CALN1: variants seen among roughly 807,000 people sequenced by gnomAD.
The protein encoded by CALN1 is calneuron 1, also known as calcium-binding protein 8.
A neutral mutation model predicts 30.6 loss-of-function variants in CALN1; 17 were observed. That is an observed-to-expected ratio of 0.56 (90% CI 0.38 to 0.83). The LOEUF (loss-of-function observed/expected upper bound fraction) is 0.83, where lower values mean the gene tolerates loss of function less well. Ranked by LOEUF, CALN1 falls within the 40% of genes least tolerant of loss-of-function variation. CALN1 has a pLI of 0.00. For synonymous variants in CALN1, 156 were observed against 131.4 expected, an observed-to-expected ratio of 1.19 and a Z score of -1.28; for missense variants, 291 against 354.9, an observed-to-expected ratio of 0.82 and a Z score of 1.45.
chr7:72,422,530 G>A (rs1285743231), intron 1 of CALN1, among the ~76,000 whole-genome samples: 1 of 152,184 alleles, frequency 6.6e-6, no homozygotes, highest in Non-Finnish European at 1.5e-5. Flanking sequence ...CTGCAGAGGG[G>A]AGGCTTAGTT....
chr7:71,906,688 C>G (rs1029205372), intron 5 of CALN1, among the ~76,000 whole-genome samples: 1 of 152,034 alleles, frequency 6.6e-6, no homozygotes, highest in African/African-American at 2.4e-5. Context: ...TTTTAAAAAC[C>G]AAGCAAATGA....
chr7:72,428,873 G>C (rs755241575), intron 1 of CALN1, among the ~76,000 whole-genome samples: 29 of 152,150 alleles, frequency 1.9e-4, no homozygotes, highest in African/African-American at 2.7e-4. Context: ...TCAGAAAAGA[G>C]AGAATCACAG....
At chr7:71,810,674 T>C (rs1030394460) in intron 5 of CALN1, among the ~76,000 whole-genome samples, 182 bp from the exon 6 acceptor site, 51 of 152,260 alleles carry the variant, frequency 3.3e-4, no homozygotes, top group South Asian at 1.7e-3. Flanking sequence ...CAGGGACTTA[T>C]TGGAATGATA....
intron 4 of CALN1, among the ~76,000 whole-genome samples, chr7:72,055,575 A>T (rs148789211): frequency 5.9e-5 from 9 of 152,302 alleles, no homozygotes; most frequent in Middle Eastern, 3.4e-3. Context: ...GAAAGATTCA[A>T]ATAAAATTGC....
intron 6 of CALN1, among the ~76,000 whole-genome samples, chr7:71,796,026 T>C (rs1331926611): frequency 1.3e-5 from 2 of 151,468 alleles, no homozygotes; most frequent in Non-Finnish European, 2.9e-5. Flanking sequence ...GAGATTTCAC[T>C]GTGTTAGCCA....
Position 72,319,428 on chromosome 7 carries a change from C to T in CALN1, c.120-40618G>A, listed in dbSNP as rs576811824. On this transcript the variant is annotated intron_variant, in intron 2 of 6. Transcript: ENST00000395275. Reference sequence around the variant, plus strand: ...ACCTCATGAGACTTATTCGCTATCACGAGAACAGCATGGAAAAGATTCAAT... The same window carrying T: ...ACCTCATGAGACTTATTCGCTATCATGAGAACAGCATGGAAAAGATTCAAT... Among the ~76,000 whole-genome samples the T allele has an allele frequency of 1.6e-4, 25 of 152,262 alleles. No individual in the cohort carries two copies. In the South Asian group the frequency reaches 2.5e-3, roughly 15 times the overall value.
intron 2 of CALN1, chr7:72,336,802 T>C (rs903482465): frequency 2.4e-4 from 238 of 984,616 alleles, no homozygotes; most frequent in Non-Finnish European, 2.7e-4. Flanking sequence ...CGGTGCGGAA[T>C]GGATGCGCCG....
chr7:72,135,760 A>G (rs1039270747), intron 3 of CALN1, among the ~76,000 whole-genome samples: 4 of 152,160 alleles, frequency 2.6e-5, no homozygotes, highest in African/African-American at 9.7e-5. Flanking sequence ...GAGTCAACCT[A>G]TCCTTTGAAG....
At chr7:72,135,416 G>A (rs1243496861) in intron 3 of CALN1, among the ~76,000 whole-genome samples, 1 of 152,170 alleles carries the variant, frequency 6.6e-6, no homozygotes, top group Non-Finnish European at 1.5e-5. Flanking sequence ...TGATGTATGG[G>A]CTGCAGAACG....
the CALN1 span, among the ~76,000 whole-genome samples, chr7:72,489,683 G>T: frequency 1.3e-5 from 2 of 152,162 alleles, no homozygotes; most frequent in African/African-American, 4.8e-5. Flanking sequence ...ACCCTCTAAA[G>T]CCAACCCTTT....
chr7:71,968,417 T>G (rs956870742), intron 5 of CALN1, among the ~76,000 whole-genome samples: 7 of 152,148 alleles, frequency 4.6e-5, no homozygotes, highest in African/African-American at 1.4e-4. Context: ...GAGGCCTTCT[T>G]TGGAGTGACA....
chr7:72,265,798 T>G (rs939462767), intron 3 of CALN1, among the ~76,000 whole-genome samples: 3 of 152,046 alleles, frequency 2.0e-5, no homozygotes, highest in Admixed American at 6.6e-5. Context: ...TAGGACACAT[T>G]TTTCTAAAGC....
chr7:71,987,876 G>A (rs1245789348), intron 5 of CALN1, among the ~76,000 whole-genome samples: 1 of 152,128 alleles, frequency 6.6e-6, no homozygotes, highest in Non-Finnish European at 1.5e-5. Flanking sequence ...GCTGGGAGTG[G>A]AGAAGGTGAC....
chr7:71,814,463 A>G (rs950071131), intron 5 of CALN1, among the ~76,000 whole-genome samples: 3 of 152,110 alleles, frequency 2.0e-5, no homozygotes, highest in African/African-American at 4.8e-5. Context: ...GGAGGAGTAT[A>G]TTTTGCAGCT....
At chr7:72,319,288 G>A (rs1199240698) in intron 2 of CALN1, among the ~76,000 whole-genome samples, 1 of 152,188 alleles carries the variant, frequency 6.6e-6, no homozygotes, top group Non-Finnish European at 1.5e-5. Context: ...ACATGGCTGG[G>A]GAGGCCTCAC....
chr7:72,498,988 G>C, the CALN1 span, among the ~76,000 whole-genome samples: 3 of 151,952 alleles, frequency 2.0e-5, no homozygotes, highest in Non-Finnish European at 4.4e-5. Context: ...TTATAAAAAG[G>C]AATTAGTTAA....
chr7:72,007,854 A>T (rs1213795951), intron 5 of CALN1, among the ~76,000 whole-genome samples: 1 of 152,194 alleles, frequency 6.6e-6, no homozygotes, highest in Non-Finnish European at 1.5e-5. Flanking sequence ...GCCATGAGTC[A>T]CTGGGCCCAA....
the CALN1 span, among the ~76,000 whole-genome samples, chr7:72,478,363 TATAA>T: frequency 1.4e-5 from 2 of 147,410 alleles, no homozygotes; most frequent in African/African-American, 4.9e-5. Context: ...AAATGTAATA[TATAA>T]ATAAATATAT....
chr7:71,993,335 G>A (rs910462585), intron 5 of CALN1, among the ~76,000 whole-genome samples: 3 of 152,090 alleles, frequency 2.0e-5, no homozygotes, highest in African/African-American at 7.2e-5. Flanking sequence ...AGTGGATGGT[G>A]TGTGCCTGTA....
Sources: gnomAD v4.1 joint callset for allele counts (sites outside exome capture counted in the v4.1 genomes callset) on GRCh38, gnomAD v4.1.1 for gene constraint, MANE v1.5 for transcripts, NCBI Gene and HGNC (gene_info 2026-07-23, HGNC 2026-07-21) for gene names.